Variants in ZNF540 observed in about 807,000 individuals in gnomAD.
The protein encoded by ZNF540 is zinc finger protein 540.
ZNF540 carries 3 observed loss-of-function variants against 11.8 expected under a neutral mutation model. That is an observed-to-expected ratio of 0.25 (90% CI 0.12 to 0.65). The LOEUF (loss-of-function observed/expected upper bound fraction) is 0.65. Ranked by LOEUF, ZNF540 falls within the 30% of genes least tolerant of loss-of-function variation. ZNF540 has a pLI of 0.83. For missense variants in ZNF540, 709 were observed against 793.1 expected (o/e 0.89, Z 1.27); for synonymous variants, 247 against 259.0 (o/e 0.95, Z 0.45).
intron 1 of ZNF540, chr19:37,562,962 T>C (rs2042734591): frequency 6.6e-6 from 1 of 152,182 alleles, no homozygotes. Context: ...GTTAGGATTT[T>C]TTAATGGACT....
rs1220088772 is a variant in ZNF540, at chr19:37,612,752, A to C, written c.1472A>C (p.Asp491Ala). 1.2e-6 allele frequency: 2 copies of C among 1,613,894 alleles called. No individual in the cohort carries two copies. The highest frequency in any genetic ancestry group is 1.7e-6 in the Non-Finnish European group (2 of 1,179,950). ...AGTCTACATAAGAAAATTCATACTG[A>C]TGTGAAGCCCTACAAATGTGTACGA... ...QISLHKKIHT[D>A]VKPYKCVRCG... The change falls in exon 5 of 5, where the codon GAT (aspartate) becomes GCT (alanine). Residue 491 changes from aspartate to alanine, a missense_variant. By Grantham distance (126) the Asp-to-Ala change is moderately radical. Transcript: ENST00000316433.
chr19:37,575,436 G>T (rs1465272597), intron 1 of ZNF540: 3 of 152,094 alleles, frequency 2.0e-5, no homozygotes, highest in Non-Finnish European at 4.4e-5. Flanking sequence ...ATTTTACATA[G>T]GACATGAAAT....
chr19:37,600,040 T>C (rs770918487), intron 3 of ZNF540, among the ~76,000 whole-genome samples: 2 of 152,212 alleles, frequency 1.3e-5, no homozygotes, highest in Non-Finnish European at 2.9e-5. Context: ...CCAAAGCCAA[T>C]GTCAATGAAA....
At chr19:37,593,677 A>T (rs925222564), upstream of ZNF540, among the ~76,000 whole-genome samples, 4 of 152,196 alleles carry the variant, frequency 2.6e-5, no homozygotes, top group Admixed American at 1.3e-4. Flanking sequence ...CACTCCAGCC[A>T]GGGCGACACA....
At chr19:37,598,097 C>T (rs1217083629) in intron 1 of ZNF540, among the ~76,000 whole-genome samples, 3 of 152,204 alleles carry the variant, frequency 2.0e-5, no homozygotes, top group African/African-American at 7.2e-5. Flanking sequence ...ACATCCCAGC[C>T]TTGGGCCTAG....
rs2044036352 is a variant in ZNF540 at position 37,601,107 on chromosome 19, T to G, written c.232+2T>G. The G allele has an allele frequency of 6.4e-7, 1 of 1,570,020 alleles. No homozygotes were observed. The highest frequency in any genetic ancestry group is 1.9e-5 in the Admixed American group (1 of 53,302). Reference sequence around the variant, plus strand: ...ATGTGACAGGAAGACAGTGCCCCGGTGAGTTGAGAGTTCATCAGGCAGATG... The same window carrying G: ...ATGTGACAGGAAGACAGTGCCCCGGGGAGTTGAGAGTTCATCAGGCAGATG... On this transcript the variant is annotated splice_donor_variant, in intron 4 of 4. Transcript: ENST00000316433. LOFTEE classifies it high-confidence loss of function.
chr19:37,599,663 C>T lies in ZNF540; in HGVS notation c.47C>T (p.Ser16Phe). Residue 16 changes from serine (S) to phenylalanine (F), a missense_variant, in exon 3 of 5, where the codon TCT becomes TTT. Physicochemically the swap from Ser to Phe is radical, Grantham distance 155. Transcript: ENST00000316433. Reference sequence around the variant, plus strand: ...TTCAGGGATGTGGCTATAGACTTCTCTCAGAAGGAATGGGAGTGCCTGGAC... The same window carrying T: ...TTCAGGGATGTGGCTATAGACTTCTTTCAGAAGGAATGGGAGTGCCTGGAC... Reference protein sequence around the residue: ...VTFRDVAIDFSQKEWECLDTT... With the variant: ...VTFRDVAIDFFQKEWECLDTT... The T allele has an allele frequency of 1.2e-6, 2 of 1,613,990 alleles. No homozygotes were observed. The highest frequency in any genetic ancestry group is 1.7e-6 in the Non-Finnish European group (2 of 1,179,954).
At chr19:37,581,250 A>G (rs992005271) in intron 1 of ZNF540, among the ~76,000 whole-genome samples, 1 of 152,124 alleles carries the variant, frequency 6.6e-6, no homozygotes, top group African/African-American at 2.4e-5. Flanking sequence ...CAATTGCCAA[A>G]TCCATAATAG....
chr19:37,575,675 T>A (rs957512541), intron 1 of ZNF540: 2 of 152,200 alleles, frequency 1.3e-5, no homozygotes, highest in African/African-American at 4.8e-5. Context: ...TAATAAGACA[T>A]CTTGGTGGAC....
At chr19:37,562,877 G>A (rs891398723) in intron 1 of ZNF540, 1 of 152,158 alleles carries the variant, frequency 6.6e-6, no homozygotes, top group Non-Finnish European at 1.5e-5. Flanking sequence ...GCTTTTGAGT[G>A]TTTTACATTA....
intron 1 of ZNF540, among the ~76,000 whole-genome samples, chr19:37,571,864 A>G (rs535621607): frequency 1.3e-5 from 2 of 152,346 alleles, no homozygotes; most frequent in South Asian, 4.1e-4. Flanking sequence ...CTAACCTTTA[A>G]AAGTTCAGAA....
chr19:37,568,500 T>G (rs1206687321), intron 1 of ZNF540, among the ~76,000 whole-genome samples: 1 of 145,744 alleles, frequency 6.9e-6, no homozygotes, highest in African/African-American at 2.8e-5. Flanking sequence ...AGGAATCAAA[T>G]AAATTCAGTT....
At chr19:37,587,374 AG>A (rs1466816795) in intron 1 of ZNF540, 2 of 152,246 alleles carry the variant, frequency 1.3e-5, no homozygotes, top group Non-Finnish European at 2.9e-5. Context: ...TTTATTTCAC[AG>A]GTTGAATAAC....
intron 4 of ZNF540, among the ~76,000 whole-genome samples, chr19:37,604,189 T>G (rs1219274428): frequency 6.6e-6 from 1 of 151,908 alleles, no homozygotes; most frequent in Non-Finnish European, 1.5e-5. Context: ...TTTTATTTCT[T>G]CTGTGGTCAA....
In ZNF540 at chr19:37,598,368, T is replaced by C. The variant is rs990969728; in HGVS notation, c.-72-8T>C. ...CTCACTGTCTCATTTTTTTCTCCTCTAACTCAGGCTTCTCAGAACTTTGCT... is the reference window on the plus strand; with the variant it reads ...CTCACTGTCTCATTTTTTTCTCCTCCAACTCAGGCTTCTCAGAACTTTGCT... On this transcript the variant is annotated splice_region_variant and splice_polypyrimidine_tract_variant and intron_variant, in intron 1 of 4. Coordinates refer to ENST00000316433, the MANE Select transcript of ZNF540 (RefSeq NM_001172225.3). The C allele has an allele frequency of 1.3e-4, 201 of 1,508,940 alleles. 3 individuals are homozygous for C. In the Admixed American group the frequency reaches 3.2e-3, roughly 24 times the overall value. 93.5% of individuals were successfully genotyped at this position (1,508,940 alleles called of 1,614,324 possible). A position where few individuals can be genotyped will look rare whatever the true frequency, so the allele number is the denominator to read the frequency against.
intron 2 of ZNF540, among the ~76,000 whole-genome samples, chr19:37,598,976 C>T (rs1472884200): frequency 6.6e-6 from 1 of 152,106 alleles, no homozygotes; most frequent in Non-Finnish European, 1.5e-5. Context: ...GATTCTGGTT[C>T]ATTACATCAA....
At chr19:37,573,083 T>C (rs979051262) in intron 1 of ZNF540, among the ~76,000 whole-genome samples, 2 of 152,176 alleles carry the variant, frequency 1.3e-5, no homozygotes, top group African/African-American at 2.4e-5. Flanking sequence ...TACATACTTA[T>C]ATTCCTCACC....
chr19:37,600,884 G>A (rs917712427), intron 3 of ZNF540, 126 bp from the exon 4 acceptor site: 14 of 750,434 alleles, frequency 1.9e-5, no homozygotes, highest in Admixed American at 5.2e-5. Context: ...CTTTAATCCT[G>A]TCAGTTTTTT....
chr19:37,586,671 G>C (rs765783294), intron 1 of ZNF540: 6 of 1,613,948 alleles, frequency 3.7e-6, no homozygotes, highest in Middle Eastern at 1.6e-4. Flanking sequence ...AACTCACGTG[G>C]GGCATGGTTT....
Sources: gnomAD v4.1 joint callset for allele counts (sites outside exome capture counted in the v4.1 genomes callset) on GRCh38, gnomAD v4.1.1 for gene constraint, MANE v1.5 for transcripts, NCBI Gene and HGNC (gene_info 2026-07-23, HGNC 2026-07-21) for gene names.